SYNDIG1: variants seen among roughly 807,000 people sequenced by gnomAD.
The protein encoded by SYNDIG1 is synapse differentiation inducing 1.
A neutral mutation model predicts 19.4 loss-of-function variants in SYNDIG1; 9 were observed. That is an observed-to-expected ratio of 0.46 (90% CI 0.28 to 0.81). The LOEUF (loss-of-function observed/expected upper bound fraction) is 0.81. SYNDIG1 is among the 30% of genes least tolerant of loss of function. SYNDIG1 has a pLI of 0.12. For missense variants in SYNDIG1, 311 were observed against 343.3 expected, an observed-to-expected ratio of 0.91 and a Z score of 0.74; for synonymous variants, 141 against 145.9, an observed-to-expected ratio of 0.97 and a Z score of 0.24.
chr20:24,640,393 AAAAG>A (rs994516380), intron 3 of SYNDIG1, among the ~76,000 whole-genome samples: 40 of 150,410 alleles, frequency 2.7e-4, no homozygotes, highest in South Asian at 1.5e-3. Context: ...GGGAGGGAGA[AAAAG>A]AAAAGAAAGT....
chr20:24,579,374 G>A (rs1040445647), intron 2 of SYNDIG1, among the ~76,000 whole-genome samples: 1 of 152,222 alleles, frequency 6.6e-6, no homozygotes, highest in South Asian at 2.1e-4. Context: ...GGCAGAATGT[G>A]CTTGGTTAAA....
intron 2 of SYNDIG1, among the ~76,000 whole-genome samples, chr20:24,565,712 T>C (rs1044460639): frequency 1.3e-5 from 2 of 152,098 alleles, no homozygotes; most frequent in African/African-American, 4.8e-5. Context: ...AAATCCAGAC[T>C]CCCTGTGGGG....
intron 3 of SYNDIG1, among the ~76,000 whole-genome samples, chr20:24,637,358 G>A (rs562454102): frequency 3.9e-5 from 6 of 152,172 alleles, no homozygotes; most frequent in South Asian, 4.2e-4. Flanking sequence ...TCCCTTCCAC[G>A]TCCCCTCCCT....
At chr20:24,497,265 G>A (rs1044422334) in intron 1 of SYNDIG1, among the ~76,000 whole-genome samples, 14 of 152,232 alleles carry the variant, frequency 9.2e-5, no homozygotes, top group South Asian at 2.1e-4. Context: ...GCAGGGATGC[G>A]ATCTCGGCTC....
Position 24,584,981 on chromosome 20 carries a change from C to T in SYNDIG1, c.606C>T (p.Tyr202=), listed in dbSNP as rs753567279. The T allele has an allele frequency of 1.9e-6, 3 of 1,605,616 alleles. No individual in the cohort carries two copies. Among genetic ancestry groups the T allele is most frequent in the African/African-American group, 2.7e-5 (2 of 74,024 alleles). ...CFWPLGIAAF[Y]LSHETNKAVA... is the part of the protein sequence containing the mutation. ...GGCCTCTGGGCATCGCAGCCTTCTA[C>T]TTGTCCCATGAGGTAAGGCCTCCTT... Residue 202 remains tyrosine (Y), a synonymous_variant, in exon 3 of 4, where the codon TAC becomes TAT. Transcript: ENST00000376862.
chr20:24,521,896 T>A (rs2057012881), intron 1 of SYNDIG1, among the ~76,000 whole-genome samples: 1 of 78,242 alleles, frequency 1.3e-5, no homozygotes, highest in Non-Finnish European at 2.7e-5. Context: ...AAAGACTCCC[T>A]CTCAAAAAAA....
chr20:24,482,301 C>T (rs1339682364), intron 1 of SYNDIG1, among the ~76,000 whole-genome samples: 1 of 152,148 alleles, frequency 6.6e-6, no homozygotes, highest in Non-Finnish European at 1.5e-5. Context: ...TCTCCCCTGA[C>T]CTTGTGATGC....
chr20:24,533,167 T>A (rs977457528), intron 1 of SYNDIG1, among the ~76,000 whole-genome samples: 5 of 152,056 alleles, frequency 3.3e-5, no homozygotes, highest in African/African-American at 1.2e-4. Flanking sequence ...ATGCTCTCCC[T>A]GCAATCAGGC....
chr20:24,517,937 C>T (rs1483290211), intron 1 of SYNDIG1, among the ~76,000 whole-genome samples: 2 of 151,360 alleles, frequency 1.3e-5, no homozygotes, highest in Non-Finnish European at 2.9e-5. Flanking sequence ...TCCCAAGTAG[C>T]TGGGACAACA....
At chr20:24,565,316 C>G (rs2058024431) in intron 2 of SYNDIG1, among the ~76,000 whole-genome samples, 1 of 152,156 alleles carries the variant, frequency 6.6e-6, no homozygotes, top group Non-Finnish European at 1.5e-5. Flanking sequence ...GCTCAGAATC[C>G]TATAACCTTA....
intron 2 of SYNDIG1, among the ~76,000 whole-genome samples, chr20:24,547,157 G>A (rs1367439828): frequency 6.6e-6 from 1 of 152,114 alleles, no homozygotes; most frequent in Non-Finnish European, 1.5e-5. Context: ...TTCAGAGCAG[G>A]GCCCCTCGTT....
intron 3 of SYNDIG1, among the ~76,000 whole-genome samples, chr20:24,663,020 G>C (rs1364476389): frequency 1.3e-5 from 2 of 152,228 alleles, no homozygotes; most frequent in African/African-American, 4.8e-5. Flanking sequence ...TGAGCAAGCT[G>C]TTTCACAGCC....
At chr20:24,581,404 G>A (rs998730008) in intron 2 of SYNDIG1, among the ~76,000 whole-genome samples, 10 of 152,088 alleles carry the variant, frequency 6.6e-5, no homozygotes, top group Admixed American at 2.0e-4. Flanking sequence ...CATGGCTGCC[G>A]TGCTCCCTGA....
intron 1 of SYNDIG1, among the ~76,000 whole-genome samples, chr20:24,516,464 C>T (rs377365262): frequency 6.6e-6 from 1 of 151,828 alleles, no homozygotes; most frequent in African/African-American, 2.4e-5. Flanking sequence ...AGAACTCAAA[C>T]AAATTTACGA....
Position 24,556,725 on chromosome 20 carries a change from A to G in SYNDIG1, c.480+13148A>G, listed in dbSNP as rs1203247816. On this transcript the variant is annotated intron_variant, in intron 2 of 3. Transcript: ENST00000376862. ...TGTGGGTAACCCGACGTTTCTCTCT[A>G]GCTGCCCTTAACATTTTTTCCTTCA... is the stretch of plus-strand genomic sequence containing the variant. Among the ~76,000 whole-genome samples the G allele has an allele frequency of 3.9e-5, 6 of 152,104 alleles. No individual in the cohort carries two copies. In the East Asian group the frequency reaches 5.8e-4, roughly 15 times the overall value.
chr20:24,649,667 A>C (rs1218902143), intron 3 of SYNDIG1, among the ~76,000 whole-genome samples: 1 of 152,042 alleles, frequency 6.6e-6, no homozygotes, highest in Non-Finnish European at 1.5e-5. Flanking sequence ...CCCCTGACCA[A>C]ACACCACGTC....
intron 2 of SYNDIG1, among the ~76,000 whole-genome samples, chr20:24,572,673 G>C (rs1285324785): frequency 6.6e-6 from 1 of 152,196 alleles, no homozygotes; most frequent in East Asian, 1.9e-4. Flanking sequence ...TAAAGGAAGA[G>C]ATACAGTTGT....
intron 3 of SYNDIG1, among the ~76,000 whole-genome samples, chr20:24,661,216 G>T (rs2059582173): frequency 6.6e-6 from 1 of 152,006 alleles, no homozygotes; most frequent in South Asian, 2.1e-4. Context: ...ACCATCCTAG[G>T]GTGTGTCTCT....
chr20:24,549,926 A>G (rs1208533574), intron 2 of SYNDIG1, among the ~76,000 whole-genome samples: 1 of 152,166 alleles, frequency 6.6e-6, no homozygotes, highest in Non-Finnish European at 1.5e-5. Context: ...CTCGGCATTC[A>G]GATGTTCCTC....
Sources: allele counts gnomAD v4.1 joint callset (sites outside exome capture counted in the v4.1 genomes callset), GRCh38; gene constraint gnomAD v4.1.1; transcripts MANE v1.5; gene names NCBI Gene and HGNC (gene_info 2026-07-23, HGNC 2026-07-21).